The following PIK3C2B variants were observed in gnomAD, a reference collection of about 807,000 sequenced individuals.
PIK3C2B encodes phosphatidylinositol-4-phosphate 3-kinase catalytic subunit type 2 beta, also known as phosphatidylinositol 4-phosphate 3-kinase C2 domain-containing subunit beta.
Under a neutral mutation model 184.3 loss-of-function variants are expected in PIK3C2B, and 83 were observed. The ratio of observed to expected loss-of-function variants is 0.45; its 90% CI spans 0.38 to 0.54. The LOEUF is 0.54. Ranked by LOEUF, PIK3C2B falls within the 20% of genes least tolerant of loss-of-function variation. The pLI is 0.00. For synonymous variants in PIK3C2B, 779 were observed against 837.6 expected, an observed-to-expected ratio of 0.93 and a Z score of 1.21; for missense variants, 1,736 against 2,113.5, an observed-to-expected ratio of 0.82 and a Z score of 3.50.
chr1:204,430,983 A>G (rs531270059), intron 28 of PIK3C2B, among the ~76,000 whole-genome samples: 38 of 152,382 alleles, frequency 2.5e-4, no homozygotes, highest in African/African-American at 8.4e-4. Context: ...AAATTGCAGT[A>G]AAATATGTGT....
intron 1 of PIK3C2B, among the ~76,000 whole-genome samples, chr1:204,485,906 G>A (rs1405894282): frequency 1.3e-5 from 2 of 151,996 alleles, no homozygotes; most frequent in Non-Finnish European, 2.9e-5. Context: ...TAATATAAGA[G>A]CAGTGCCTGC....
intron 21 of PIK3C2B, among the ~76,000 whole-genome samples, chr1:204,440,920 C>T (rs575896664): frequency 1.3e-5 from 2 of 152,150 alleles, no homozygotes; most frequent in African/African-American, 2.4e-5. Flanking sequence ...GGCCATCAGG[C>T]CTTTTTTAAA....
In PIK3C2B at chr1:204,424,421, G is replaced by A; in HGVS notation, c.*431C>T. On this transcript the variant is annotated 3_prime_UTR_variant, in exon 33 of 33. Coordinates refer to ENST00000684373, the MANE Select transcript of PIK3C2B (RefSeq NM_001377334.1). ...ATAGTCTTCCTCTCTTGCCTTCTGG[G>A]GCATAGGTACGTCCCTTCTCGCAAG... is the stretch of plus-strand genomic sequence containing the variant. 3.4e-6 allele frequency: 1 copy of A among 296,444 alleles called. No individual in the cohort carries two copies. The highest frequency in any genetic ancestry group is 6.8e-6 in the Non-Finnish European group (1 of 146,766). The allele number at this position is 296,444 out of a possible 1,614,324, so 18.4% of individuals were successfully genotyped here.
intron 1 of PIK3C2B, among the ~76,000 whole-genome samples, chr1:204,485,860 T>A (rs1389138708): frequency 6.6e-6 from 1 of 151,788 alleles, no homozygotes; most frequent in Non-Finnish European, 1.5e-5. Flanking sequence ...CGTGAGCCAC[T>A]GCACCCTTTT....
At chr1:204,466,064 T>C (rs1655754449) in intron 2 of PIK3C2B, among the ~76,000 whole-genome samples, 1 of 152,128 alleles carries the variant, frequency 6.6e-6, no homozygotes, top group Non-Finnish European at 1.5e-5. Context: ...CCAAACGGTC[T>C]CCCATCCCAG....
intron 8 of PIK3C2B, among the ~76,000 whole-genome samples, chr1:204,458,106 C>G (rs1257355646): frequency 6.6e-6 from 1 of 152,224 alleles, no homozygotes; most frequent in East Asian, 1.9e-4. Flanking sequence ...CAGCCGTTCC[C>G]CTTGAAGCTC....
At chr1:204,448,337 A>G (rs1391093819) in intron 14 of PIK3C2B, among the ~76,000 whole-genome samples, 1 of 151,842 alleles carries the variant, frequency 6.6e-6, no homozygotes, top group Non-Finnish European at 1.5e-5. Flanking sequence ...CCTGACCTCA[A>G]GTGATCCCCC....
chr1:204,441,484 C>T lies in PIK3C2B; in HGVS notation c.3236G>A (p.Arg1079His), dbSNP rs142530894. ...AAGTATTCTCACCTTGAAGATGACACGGATGTTCTCACCCAGGGGATCCAC... is the reference window on the plus strand; with the variant it reads ...AAGTATTCTCACCTTGAAGATGACATGGATGTTCTCACCCAGGGGATCCAC... ...QNVDPLGENI[R>H]VIFKCGDDLR... Residue 1079 changes from arginine to histidine, a missense_variant, in exon 21 of 33, where the codon CGT (arginine) becomes CAT (histidine). By Grantham distance (29) the Arg-to-His change is conservative. Around this residue, in one of 8 missense-constraint regions of PIK3C2B, gnomAD observed 289 missense variants for 380.4 expected, o/e 0.76. Coordinates refer to ENST00000684373, the MANE Select transcript of PIK3C2B (RefSeq NM_001377334.1). 9.9e-6 allele frequency: 16 copies of T among 1,609,248 alleles called. No homozygotes were observed. The African/African-American group carries it at 1.1e-4, about 11-fold the overall frequency.
chr1:204,439,789 T>C (rs1248731189), intron 22 of PIK3C2B, among the ~76,000 whole-genome samples: 1 of 152,104 alleles, frequency 6.6e-6, no homozygotes. Context: ...CACATGCCAT[T>C]AGGCCTGGCT....
In PIK3C2B at chr1:204,431,684, G is replaced by C; in HGVS notation, c.4265C>G (p.Ser1422Cys). 1 of 1,614,154 alleles carries C rather than the reference G, an allele frequency of 6.2e-7. No homozygotes were observed. Among genetic ancestry groups the C allele is most frequent in the Non-Finnish European group, 8.5e-7 (1 of 1,180,040 alleles). Residue 1422 changes from serine (S) to cysteine (C), a missense_variant, in exon 28 of 33, where the codon TCT becomes TGT. Ser to Cys is a moderately radical substitution (Grantham distance 112, BLOSUM62 -1). Transcript: ENST00000684373. ...GGGCAGCTACCTGGGCAAGTGGGAAGAAGGGAAGAGCAGCCGCAACTTATT... is the reference window on the plus strand; with the variant it reads ...GGGCAGCTACCTGGGCAAGTGGGAACAAGGGAAGAGCAGCCGCAACTTATT... ...LHNKLRLLFP[S>C]SHLPSFPSRF...
chr1:204,460,710 C>G (rs2271414), intron 5 of PIK3C2B, 49 bp from the exon 6 acceptor site: 1,094,593 of 1,159,598 alleles, frequency 0.94, 526,192 homozygotes, highest in Non-Finnish European at 0.99. Context: ...GACTCAGTGG[C>G]AAGGGAGATA....
chr1:204,445,999 T>C lies in PIK3C2B; in HGVS notation c.2635A>G (p.Thr879Ala). Residue 879 changes from threonine to alanine, a missense_variant, in exon 16 of 33, where the codon ACC becomes GCC. Thr to Ala is a moderately conservative substitution (Grantham distance 58). Transcript: ENST00000684373. Reference protein sequence around the residue: ...PDIYVLLKQWTHMNHQDALGL... With the variant: ...PDIYVLLKQWAHMNHQDALGL... The stretch of plus-strand genomic sequence containing the variant: ...AGGGCATCCTGGTGGTTCATGTGGG[T>C]CCACTGCTTCAGGAGAACATAGATG... 6.3e-7 allele frequency: 1 copy of C among 1,585,008 alleles called. No individual in the cohort carries two copies. The highest frequency in any genetic ancestry group is 1.1e-5 in the South Asian group (1 of 88,358).
chr1:204,469,384 G>A lies in PIK3C2B; in HGVS notation c.419C>T (p.Ser140Leu), dbSNP rs61757717. Residue 140 changes from serine (S) to leucine (L), a missense_variant, in exon 2 of 33, where the codon TCG becomes TTG. Ser to Leu is a moderately radical substitution (Grantham distance 145). Around this residue, in one of 8 missense-constraint regions of PIK3C2B, gnomAD observed 404 missense variants for 418.0 expected, o/e 0.97. Transcript: ENST00000684373. ...CTCTATGTCCCCTGGTCCTGGGGACGAAGAGACTCCCCCATCTGAACCATC... is the reference window on the plus strand; with the variant it reads ...CTCTATGTCCCCTGGTCCTGGGGACAAAGAGACTCCCCCATCTGAACCATC... Reference protein sequence around the residue: ...IFDGSDGGVSSSPGPGDIEGS... With the variant: ...IFDGSDGGVSLSPGPGDIEGS... 9 of 1,533,014 alleles carry A rather than the reference G, an allele frequency of 5.9e-6. No homozygotes were observed. The highest frequency in any genetic ancestry group is 2.6e-5 in the South Asian group (2 of 76,208). The allele number at this position is 1,533,014 out of a possible 1,614,324, so 95.0% of individuals were successfully genotyped here. A position where few individuals can be genotyped will look rare whatever the true frequency, so the allele number is the denominator to read the frequency against.
At chr1:204,460,020 C>T (rs1291779095) in intron 7 of PIK3C2B, 79 bp from the exon 8 acceptor site, 1 of 1,109,080 alleles carries the variant, frequency 9.0e-7, no homozygotes, top group East Asian at 2.5e-5. Context: ...TTTCTCCCTC[C>T]CTCTCCTCAG....
intron 1 of PIK3C2B, among the ~76,000 whole-genome samples, chr1:204,477,961 G>A (rs1474799615): frequency 2.6e-5 from 4 of 152,200 alleles, no homozygotes; most frequent in African/African-American, 9.7e-5. Flanking sequence ...AGAAGGTACT[G>A]CATGTCTTGG....
At chr1:204,474,104 G>T (rs1026709131) in intron 1 of PIK3C2B, among the ~76,000 whole-genome samples, 4 of 147,898 alleles carry the variant, frequency 2.7e-5, no homozygotes, top group Admixed American at 7.1e-5. Flanking sequence ...CGATTCTCCT[G>T]CCTCAGCCTC....
At chr1:204,461,594 C>T (rs1463437000) in intron 5 of PIK3C2B, among the ~76,000 whole-genome samples, 2 of 152,184 alleles carry the variant, frequency 1.3e-5, no homozygotes, top group East Asian at 3.9e-4. Flanking sequence ...GGCGGAGGTG[C>T]AGGGCCCAGG....
At chr1:204,444,212 G>A (rs1269553510) in intron 17 of PIK3C2B, 50 bp from the exon 18 acceptor site, 2 of 1,447,230 alleles carry the variant, frequency 1.4e-6, no homozygotes, top group East Asian at 2.3e-5. Context: ...TTAACTGCCT[G>A]TAACCTACAC....
At chr1:204,466,484 G>GGGGT (rs1655804339) in intron 2 of PIK3C2B, among the ~76,000 whole-genome samples, 1 of 147,724 alleles carries the variant, frequency 6.8e-6, no homozygotes, top group African/African-American at 2.6e-5. Context: ...ATGGGCGGCG[G>GGGGT]GGGGTGGGGG....
Sources: allele counts gnomAD v4.1 joint callset (sites outside exome capture counted in the v4.1 genomes callset), GRCh38; gene constraint gnomAD v4.1.1; regional missense constraint gnomAD v4.1.1; transcripts MANE v1.5; gene names NCBI Gene and HGNC (gene_info 2026-07-23, HGNC 2026-07-21).